Variants in PHLPP2 observed in about 807,000 individuals in gnomAD.
PHLPP2 encodes PH domain and leucine rich repeat protein phosphatase 2, also known as PH domain leucine-rich repeat-containing protein phosphatase 2.
In PHLPP2, 66 loss-of-function variants were observed where a neutral mutation model predicts 124.9. The observed-to-expected ratio is 0.53, with a 90% CI of 0.43 to 0.65. The LOEUF is 0.65. PHLPP2 is among the 30% of genes least tolerant of loss of function. The pLI is 0.00. For missense variants in PHLPP2, 1,685 were observed against 1,600.4 expected (o/e 1.05, Z -0.90); for synonymous variants, 681 against 624.7 (o/e 1.09, Z -1.34).
chr16:71,660,909 A>C (rs2044783797), intron 13 of PHLPP2, among the ~76,000 whole-genome samples: 1 of 152,154 alleles, frequency 6.6e-6, no homozygotes, highest in African/African-American at 2.4e-5. Context: ...TATTGTGCCT[A>C]TACAATTACA....
chr16:71,692,224 C>T (rs2045122091), intron 3 of PHLPP2, among the ~76,000 whole-genome samples: 1 of 152,142 alleles, frequency 6.6e-6, no homozygotes. Flanking sequence ...CACCCGCCAA[C>T]ACGCCCGGCT....
intron 13 of PHLPP2, among the ~76,000 whole-genome samples, chr16:71,662,444 A>G (rs1596992318): frequency 6.6e-6 from 1 of 151,658 alleles, no homozygotes; most frequent in African/African-American, 2.4e-5. Flanking sequence ...AAATAAATAA[A>G]TAAATAAGTT....
intron 10 of PHLPP2, among the ~76,000 whole-genome samples, chr16:71,670,359 G>C (rs1263838414): frequency 6.6e-6 from 1 of 152,092 alleles, no homozygotes; most frequent in East Asian, 1.9e-4. Context: ...TGAGGAAGAA[G>C]GGTATGCAAA....
At position 71,655,449 on chromosome 16, in the gene PHLPP2, T is replaced by TGAAAACA. The variant is rs752127472; in HGVS notation, c.2391-22_2391-16dup. 2 of 1,584,050 alleles carry TGAAAACA rather than the reference T, an allele frequency of 1.3e-6. No homozygotes were observed. The highest frequency in any genetic ancestry group is 1.8e-5 in the Admixed American group (1 of 56,466). On this transcript the variant is annotated splice_polypyrimidine_tract_variant and intron_variant, in intron 16 of 18. Transcript: ENST00000568954. ...AGACACACAGCCTATAATAGAAACA[T>TGAAAACA]GAAAACAGAAAACAGAAAAGTTACT...
chr16:71,708,432 C>T (rs1002932504), intron 2 of PHLPP2, among the ~76,000 whole-genome samples: 2 of 152,150 alleles, frequency 1.3e-5, no homozygotes, highest in African/African-American at 4.8e-5. Context: ...CCACTACCTA[C>T]CCAAATCCTA....
chr16:71,650,054 A>G lies in PHLPP2; in HGVS notation c.2818-10T>C. ...CATTCACTTTGTTGTCCTACAGAAGAGCAGGACACAAATTCTGAGAAACAA... is the reference window on the plus strand; with the variant it reads ...CATTCACTTTGTTGTCCTACAGAAGGGCAGGACACAAATTCTGAGAAACAA... On this transcript the variant is annotated splice_polypyrimidine_tract_variant and intron_variant, in intron 18 of 18. Coordinates refer to ENST00000568954, the MANE Select transcript of PHLPP2 (RefSeq NM_015020.3). 1.9e-6 allele frequency: 3 copies of G among 1,592,930 alleles called. No individual in the cohort carries two copies. Among genetic ancestry groups the G allele is most frequent in the South Asian group, 1.1e-5 (1 of 90,688 alleles).
rs567660336 is a variant in PHLPP2 at position 71,695,747 on chromosome 16, G to A, written c.419-5038C>T. Among the ~76,000 whole-genome samples, 3 of 151,584 alleles carry A rather than the reference G, an allele frequency of 2.0e-5. No individual in the cohort carries two copies. In the South Asian group the frequency reaches 6.2e-4, roughly 32 times the overall value. On this transcript the variant is annotated intron_variant, in intron 3 of 18. Transcript: ENST00000568954. Reference sequence around the variant, plus strand: ...AAAAAAGAAATGCATACAGAAGATGGTTCTGCAAATGCTGACAAGGTAAGA... The same window carrying A: ...AAAAAAGAAATGCATACAGAAGATGATTCTGCAAATGCTGACAAGGTAAGA...
rs1306213047 is a variant in PHLPP2 at position 71,684,474 on chromosome 16, A to G, written c.735+2T>C. Reference sequence around the variant, plus strand: ...ACATCAGAACATCCCATTACTTTTCACCTTGGATGCTTGCCGTTGCCATCG... The same window carrying G: ...ACATCAGAACATCCCATTACTTTTCGCCTTGGATGCTTGCCGTTGCCATCG... On this transcript the variant is annotated splice_donor_variant, in intron 5 of 18. Coordinates refer to ENST00000568954, the MANE Select transcript of PHLPP2 (RefSeq NM_015020.3). LOFTEE classifies it high-confidence loss of function. The G allele has an allele frequency of 1.9e-6, 3 of 1,613,454 alleles. No homozygotes were observed. In the African/African-American group the frequency reaches 4.0e-5, roughly 22 times the overall value.
rs773277053 is a variant in PHLPP2, at chr16:71,663,945, G to A, written c.1939C>T (p.Arg647Ter). The A allele has an allele frequency of 4.3e-6, 7 of 1,614,050 alleles. No individual in the cohort carries two copies. The South Asian group carries it at 4.4e-5, about 10-fold the overall frequency. The change falls in exon 13 of 19, where the codon CGA (arginine) becomes TGA (stop). Residue 647 changes from arginine (R) to a stop codon, truncating the protein, a stop_gained. Coordinates refer to ENST00000568954, the MANE Select transcript of PHLPP2 (RefSeq NM_015020.3). LOFTEE classifies it high-confidence loss of function. Reference protein sequence around the residue: ...IPVLVGHLHLRILHLANNQLQ... With the variant: ...IPVLVGHLHL ...TGATTGTTTGCAAGGTGCAAGATTC[G>A]CAGGTGCAGGTGCCCTACCAGGACA...
In PHLPP2 at chr16:71,676,588, C is replaced by T. The variant is rs1403797243; in HGVS notation, c.1330G>A (p.Val444Met). 2 of 1,613,966 alleles carry T rather than the reference C, an allele frequency of 1.2e-6. No homozygotes were observed. The highest frequency in any genetic ancestry group is 1.7e-6 in the Non-Finnish European group (2 of 1,179,824). Residue 444 changes from valine (V) to methionine (M), a missense_variant, in exon 9 of 19, where the codon GTG becomes ATG. Coordinates refer to ENST00000568954, the MANE Select transcript of PHLPP2 (RefSeq NM_015020.3). ...NLEGNKHITH[V>M]DLRDNRLTDL... is the part of the protein sequence containing the mutation. ...GTCAGTCGGTTGTCCCGCAGATCCA[C>T]GTGGGTGATGTGTTTATTTCCCTCC...
intron 1 of PHLPP2, among the ~76,000 whole-genome samples, chr16:71,718,380 C>A (rs138369045): frequency 0.057 from 8,691 of 151,968 alleles, 472 homozygotes; most frequent in South Asian, 0.3. Context: ...GAGTTCGAGA[C>A]CAGCCTGGCC....
Position 71,667,172 on chromosome 16 carries a change from A to G in PHLPP2, c.1784+6T>C. The G allele has an allele frequency of 1.2e-6, 2 of 1,607,190 alleles. No homozygotes were observed. Among genetic ancestry groups the G allele is most frequent in the East Asian group, 2.2e-5 (1 of 44,760 alleles). On this transcript the variant is annotated splice_donor_region_variant and intron_variant, in intron 12 of 18. Transcript: ENST00000568954. The stretch of plus-strand genomic sequence containing the variant: ...GCTCTTCCGAAAAAAATCCTATGAT[A>G]CTTACTTTAAGGCCTTGGAGAAGAG...
At position 71,678,883 on chromosome 16, in the gene PHLPP2, A is replaced by G. The variant is rs61733126; in HGVS notation, c.1140T>C (p.Phe380=). The stretch of plus-strand genomic sequence containing the variant: ...TCTCATAAACCTCAGGAATTTGACT[A>G]AAGTTGTTGAAGGAAATTCCCAAGG... ...LSSLGISFNN[F]SQIPEVYEKL... is the part of the protein sequence containing the mutation. The change falls in exon 8 of 19, where the codon TTT becomes TTC. Residue 380 remains phenylalanine, a synonymous_variant. Transcript: ENST00000568954. 204,533 of 1,610,128 alleles carry G rather than the reference A, an allele frequency of 0.13. 18,341 individuals are homozygous for G. Among genetic ancestry groups the G allele is most frequent in the South Asian group, 0.39 (35,235 of 90,950 alleles).
intron 1 of PHLPP2, 196 bp from the exon 2 acceptor site, chr16:71,714,997 G>C (rs1034489445): frequency 4.7e-6 from 3 of 632,278 alleles, no homozygotes. Flanking sequence ...ACTGCTGTCT[G>C]TGTTTCCATC....
intron 3 of PHLPP2, among the ~76,000 whole-genome samples, chr16:71,701,484 C>T (rs1264645708): frequency 6.6e-6 from 1 of 152,088 alleles, no homozygotes; most frequent in Non-Finnish European, 1.5e-5. Flanking sequence ...GGAAAGATCC[C>T]TCAAAATTTA....
intron 6 of PHLPP2, among the ~76,000 whole-genome samples, chr16:71,680,432 A>G (rs2044986459): frequency 6.6e-6 from 1 of 152,180 alleles, no homozygotes; most frequent in African/African-American, 2.4e-5. Context: ...TAGTGCTTCT[A>G]TTTTGTTCAT....
rs762790473 is a variant in PHLPP2 at position 71,649,494 on chromosome 16, G to A, written c.3368C>T (p.Thr1123Ile). Residue 1123 changes from threonine (T) to isoleucine (I), a missense_variant, in exon 19 of 19, where the codon ACA becomes ATA. Coordinates refer to ENST00000568954, the MANE Select transcript of PHLPP2 (RefSeq NM_015020.3). ...RPERRCSLHPTPTSGLFQRQP... is the reference protein window; with the variant it reads ...RPERRCSLHPIPTSGLFQRQP... Reference sequence around the variant, plus strand: ...GCGCTGAAACAGCCCAGAGGTGGGTGTTGGGTGGAGGCTGCAGCGCCGCTC... The same window carrying A: ...GCGCTGAAACAGCCCAGAGGTGGGTATTGGGTGGAGGCTGCAGCGCCGCTC... 6.2e-7 allele frequency: 1 copy of A among 1,614,174 alleles called. No homozygotes were observed. The highest frequency in any genetic ancestry group is 1.1e-5 in the South Asian group (1 of 91,078).
chr16:71,649,388 G>A lies in PHLPP2; in HGVS notation c.3474C>T (p.Val1158=), dbSNP rs2044677651. The A allele has an allele frequency of 1.2e-6, 2 of 1,613,920 alleles. No homozygotes were observed. The highest frequency in any genetic ancestry group is 2.2e-5 in the East Asian group (1 of 44,900). The change falls in exon 19 of 19, where the codon GTC becomes GTT. Residue 1158 remains valine (V), a synonymous_variant. Coordinates refer to ENST00000568954, the MANE Select transcript of PHLPP2 (RefSeq NM_015020.3). ...CCTCTACCTTGCTGCCATTGGTTAT[G>A]ACCCCCTCAACGGGCTGGTCATCAT... ...DSDDDQPVEG[V]ITNGSKVEVE... is the part of the protein sequence containing the mutation.
chr16:71,689,171 T>G (rs1387013905), intron 4 of PHLPP2, among the ~76,000 whole-genome samples: 7 of 152,110 alleles, frequency 4.6e-5, no homozygotes, highest in Non-Finnish European at 1.0e-4. Context: ...CATTTTATGT[T>G]TCTATTCTGT....
Sources: gnomAD v4.1 joint callset for allele counts (sites outside exome capture counted in the v4.1 genomes callset) on GRCh38, gnomAD v4.1.1 for gene constraint, MANE v1.5 for transcripts, NCBI Gene and HGNC (gene_info 2026-07-23, HGNC 2026-07-21) for gene names.